Variants in ZNF594 observed in about 807,000 individuals in gnomAD.
ZNF594 encodes the protein zinc finger protein HZF18.
For missense variants in ZNF594, 1,037 were observed against 964.6 expected, an observed-to-expected ratio of 1.08 and a Z score of -0.99; for synonymous variants, 336 against 309.4, an observed-to-expected ratio of 1.09 and a Z score of -0.90.
At chr17:5,175,537 A>G (rs1325308628), downstream of ZNF594, among the ~76,000 whole-genome samples, 1 of 152,174 alleles carries the variant, frequency 6.6e-6, no homozygotes, top group African/African-American at 2.4e-5. Context: ...CTCTCCAGTG[A>G]CCAGGTGACT....
intron 1 of ZNF594, among the ~76,000 whole-genome samples, chr17:5,190,349 A>C (rs1473538263): frequency 6.6e-6 from 1 of 152,248 alleles, no homozygotes; most frequent in Non-Finnish European, 1.5e-5. Flanking sequence ...GTCTGTTGAC[A>C]GAGCGAGACT....
rs917528749 is a variant in ZNF594, at chr17:5,180,243, G to A, written c.*1590C>T. On this transcript the variant is annotated 3_prime_UTR_variant, in exon 2 of 2. Transcript: ENST00000575779. ...GCCTGGCTAATTTTTGTTATTTTTA[G>A]TAGAGACGGGGTTTTAGTATGTTGG... The A allele has an allele frequency of 6.6e-6, 1 of 151,946 alleles. No homozygotes were observed. Among genetic ancestry groups the A allele is most frequent in the Admixed American group, 6.6e-5 (1 of 15,244 alleles). The allele number at this position is 151,946 out of a possible 1,614,324, so 9.4% of individuals were successfully genotyped here.
rs1214344377 is a variant in ZNF594 at position 5,182,880 on chromosome 17, G to A, written c.1377C>T (p.Pro459=). 6.2e-7 allele frequency: 1 copy of A among 1,613,706 alleles called. No individual in the cohort carries two copies. Among genetic ancestry groups the A allele is most frequent in the East Asian group, 2.2e-5 (1 of 44,822 alleles). The change falls in exon 2 of 2, where the codon CCC becomes CCT. Residue 459 remains proline (P), a synonymous_variant. Transcript: ENST00000575779. ...RHHRVHTGEK[P]YECSECGKAF... Reference sequence around the variant, plus strand: ...CTTTCCCACATTCACTACATTCATAGGGTTTCTCTCCAGTATGAACACGAT... The same window carrying A: ...CTTTCCCACATTCACTACATTCATAAGGTTTCTCTCCAGTATGAACACGAT...
At position 5,183,226 on chromosome 17, in the gene ZNF594, A is replaced by G; in HGVS notation, c.1031T>C (p.Leu344Ser). The part of the protein sequence containing the change: ...GRTAFLKHQR[L>S]HAGEKIEECE... ...TTCTTCAATTTTCTCTCCAGCATGC[A>G]ATCTCTGATGTTTAAGAAAAGCTGT... Residue 344 changes from leucine (L) to serine (S), a missense_variant, in exon 2 of 2, where the codon TTG (leucine) becomes TCG (serine). By Grantham distance (145) the Leu-to-Ser change is moderately radical. Coordinates refer to ENST00000575779, the MANE Select transcript of ZNF594 (RefSeq NM_032530.2). 1 of 1,614,132 alleles carries G rather than the reference A, an allele frequency of 6.2e-7. No homozygotes were observed. The highest frequency in any genetic ancestry group is 8.5e-7 in the Non-Finnish European group (1 of 1,180,042).
chr17:5,190,924 C>T (rs1308673767), intron 1 of ZNF594, among the ~76,000 whole-genome samples: 1 of 152,180 alleles, frequency 6.6e-6, no homozygotes, highest in Non-Finnish European at 1.5e-5. Context: ...GCAAGCAAAA[C>T]CCCTGCATTT....
intron 1 of ZNF594, among the ~76,000 whole-genome samples, chr17:5,187,657 C>A (rs1363788820): frequency 1.3e-5 from 2 of 152,158 alleles, no homozygotes; most frequent in African/African-American, 4.8e-5. Flanking sequence ...ATCACTGGAG[C>A]TCTCAGTGCC....
intron 1 of ZNF594, among the ~76,000 whole-genome samples, chr17:5,185,365 G>T (rs1205861303): frequency 2.0e-5 from 3 of 152,210 alleles, no homozygotes; most frequent in African/African-American, 7.2e-5. Context: ...AAAATCATCA[G>T]ATCTCATGAG....
intron 1 of ZNF594, among the ~76,000 whole-genome samples, chr17:5,189,446 C>G (rs574753333): frequency 1.3e-5 from 2 of 152,032 alleles, no homozygotes; most frequent in South Asian, 4.2e-4. Context: ...GCCGTGTTGT[C>G]CAGGGTGTTC....
rs1437442686 is a variant in ZNF594 at position 5,181,800 on chromosome 17, T to A, written c.*33A>T. 1 of 1,613,760 alleles carries A rather than the reference T, an allele frequency of 6.2e-7. No homozygotes were observed. Among genetic ancestry groups the A allele is most frequent in the Non-Finnish European group, 8.5e-7 (1 of 1,179,760 alleles). On this transcript the variant is annotated 3_prime_UTR_variant, in exon 2 of 2. Transcript: ENST00000575779. ...GCTCCTAAAAGATTCCCCACATTTATTGCATACGTAAGGTTTTTCTCCACT... is the reference window on the plus strand; with the variant it reads ...GCTCCTAAAAGATTCCCCACATTTAATGCATACGTAAGGTTTTTCTCCACT...
At position 5,181,268 on chromosome 17, in the gene ZNF594, A is replaced by T; in HGVS notation, c.*565T>A. ...CACTGTGAATTCTATGATGTCTCAG[A>T]AGGTCTGAGCTCTGATTGAAAGTTT... On this transcript the variant is annotated 3_prime_UTR_variant, in exon 2 of 2. Coordinates refer to ENST00000575779, the MANE Select transcript of ZNF594 (RefSeq NM_032530.2). 1 of 1,612,586 alleles carries T rather than the reference A, an allele frequency of 6.2e-7. No individual in the cohort carries two copies. Among genetic ancestry groups the T allele is most frequent in the Non-Finnish European group, 8.5e-7 (1 of 1,178,580 alleles).
chr17:5,181,725 TGA>T lies in ZNF594; in HGVS notation c.*106_*107del, dbSNP rs1227493306. 1.6e-5 allele frequency: 25 copies of T among 1,587,546 alleles called. No homozygotes were observed. The highest frequency in any genetic ancestry group is 2.2e-5 in the Non-Finnish European group (25 of 1,156,092). ...GACTTTCCCACATTCACTACATTCA[TGA>T]GGTTTCTCTCCAGTATGAACACGAT... is the stretch of plus-strand genomic sequence containing the variant. On this transcript the variant is annotated 3_prime_UTR_variant, in exon 2 of 2. Coordinates refer to ENST00000575779, the MANE Select transcript of ZNF594 (RefSeq NM_032530.2).
Position 5,183,275 on chromosome 17 carries a change from A to G in ZNF594, c.982T>C (p.Cys328Arg). 6.2e-7 allele frequency: 1 copy of G among 1,614,162 alleles called. No individual in the cohort carries two copies. The highest frequency in any genetic ancestry group is 1.1e-5 in the South Asian group (1 of 91,086). Residue 328 changes from cysteine (C) to arginine (R), a missense_variant, in exon 2 of 2, where the codon TGT becomes CGT. Transcript: ENST00000575779. ...GTGCGCCCACTGAAGGTCTTCCCAC[A>G]TCTGTGACATTCATAGGGTTTCTCT... ...SGEKPYECHR[C>R]GKTFSGRTAF... is the part of the protein sequence containing the mutation.
At chr17:5,178,270 A>T (rs2144230087), downstream of ZNF594, among the ~76,000 whole-genome samples, 1 of 152,342 alleles carries the variant, frequency 6.6e-6, no homozygotes, top group South Asian at 2.1e-4. Flanking sequence ...GGATTGGTTA[A>T]CATCCAAAAA....
At position 5,180,692 on chromosome 17, in the gene ZNF594, T is replaced by A. The variant is rs913351847; in HGVS notation, c.*1141A>T. 7 of 242,448 alleles carry A rather than the reference T, an allele frequency of 2.9e-5. No homozygotes were observed. Among genetic ancestry groups the A allele is most frequent in the African/African-American group, 1.4e-4 (6 of 42,662 alleles). The allele number at this position is 242,448 out of a possible 1,614,324, so 15.0% of individuals were successfully genotyped here. On this transcript the variant is annotated 3_prime_UTR_variant, in exon 2 of 2. Transcript: ENST00000575779. ...TTTGTATGTTAAAAAATAAATAATT[T>A]AAAAAATTGTATCGTTGGGACCATA...
At chr17:5,187,381 A>G (rs1191842529) in intron 1 of ZNF594, among the ~76,000 whole-genome samples, 2 of 152,236 alleles carry the variant, frequency 1.3e-5, no homozygotes, top group Non-Finnish European at 2.9e-5. Context: ...CTCCCACAAC[A>G]TATGGGAATT....
intron 1 of ZNF594, among the ~76,000 whole-genome samples, chr17:5,187,101 G>GT (rs1394715344): frequency 2.0e-5 from 3 of 152,144 alleles, no homozygotes; most frequent in African/African-American, 4.8e-5. Context: ...TACTGTATTA[G>GT]TATGTTTTCA....
At chr17:5,189,258 CTTT>C (rs1166058570) in intron 1 of ZNF594, among the ~76,000 whole-genome samples, 1 of 120,486 alleles carries the variant, frequency 8.3e-6, no homozygotes, top group Non-Finnish European at 1.8e-5. Context: ...TTTTTTTTCA[CTTT>C]TTTTTTTGGA....
At chr17:5,188,910 G>C (rs2074403906) in intron 1 of ZNF594, among the ~76,000 whole-genome samples, 1 of 151,874 alleles carries the variant, frequency 6.6e-6, no homozygotes. Flanking sequence ...AGTACGCCCA[G>C]CTAATTTTTT....
Position 5,179,656 on chromosome 17 carries a change from G to A in ZNF594, c.*2177C>T, listed in dbSNP as rs1352211685. ...ATTCAAGCTCCATCAAAGATGAATT[G>A]GTTAGTTTTTAATCTGGAGTTTACA... On this transcript the variant is annotated 3_prime_UTR_variant, in exon 2 of 2. Transcript: ENST00000575779. 1 of 152,054 alleles carries A rather than the reference G, an allele frequency of 6.6e-6. No individual in the cohort carries two copies. The highest frequency in any genetic ancestry group is 2.4e-5 in the African/African-American group (1 of 41,422). The allele number at this position is 152,054 out of a possible 1,614,324, so 9.4% of individuals were successfully genotyped here. A position where few individuals can be genotyped will look rare whatever the true frequency, so the allele number is the denominator to read the frequency against.
Sources: gnomAD v4.1 joint callset for allele counts (sites outside exome capture counted in the v4.1 genomes callset) on GRCh38, gnomAD v4.1.1 for gene constraint, MANE v1.5 for transcripts, NCBI Gene and HGNC (gene_info 2026-07-23, HGNC 2026-07-21) for gene names.